RBBP6: variants seen among roughly 807,000 people sequenced by gnomAD.
The protein encoded by RBBP6 is E3 ubiquitin-protein ligase RBBP6.
RBBP6 carries 25 observed loss-of-function variants against 167.7 expected under a neutral mutation model. The observed-to-expected ratio is 0.15, with a 90% CI of 0.11 to 0.21. The LOEUF (loss-of-function observed/expected upper bound fraction) is 0.21. RBBP6 is among the 10% of genes least tolerant of loss of function. RBBP6 has a pLI of 1.00. For synonymous variants in RBBP6, 789 were observed against 735.8 expected, an observed-to-expected ratio of 1.07 and a Z score of -1.17; for missense variants, 1,868 against 2,134.2, an observed-to-expected ratio of 0.88 and a Z score of 2.46.
chr16:24,549,348 G>A, intron 3 of RBBP6: 1 of 1,060,446 alleles, frequency 9.4e-7, no homozygotes, highest in Non-Finnish European at 1.1e-6. Context: ...TTGTATGTAT[G>A]TACAGGCTGT....
intron 3 of RBBP6, among the ~76,000 whole-genome samples, chr16:24,551,018 G>A (rs926341555): frequency 5.9e-5 from 9 of 151,966 alleles, no homozygotes; most frequent in Middle Eastern, 3.4e-3. Context: ...GGTAATGGAA[G>A]CGAACTCTAA....
At chr16:24,555,792 A>G (rs532338423) in intron 5 of RBBP6, 29 bp from the exon 6 acceptor site, 3 of 1,582,886 alleles carry the variant, frequency 1.9e-6, no homozygotes, top group African/African-American at 2.7e-5. Flanking sequence ...AAGTCCTCGT[A>G]TACATGTAAT....
chr16:24,561,101 C>T (rs933120598), intron 8 of RBBP6, among the ~76,000 whole-genome samples: 5 of 152,112 alleles, frequency 3.3e-5, no homozygotes, highest in Admixed American at 3.3e-4. Context: ...CATTTCCTTG[C>T]CTGAATAAAA....
At chr16:24,560,474 C>T (rs567547941) in intron 8 of RBBP6, among the ~76,000 whole-genome samples, 1 of 152,190 alleles carries the variant, frequency 6.6e-6, no homozygotes, top group African/African-American at 2.4e-5. Context: ...TATATTAGCA[C>T]TTAGTTGTTT....
intron 14 of RBBP6, among the ~76,000 whole-genome samples, chr16:24,566,075 G>C (rs547403776): frequency 1.3e-5 from 2 of 152,158 alleles, no homozygotes; most frequent in South Asian, 2.1e-4. Context: ...CAAAAAGAAG[G>C]AAATTCGGGA....
chr16:24,568,368 TGTG>T (rs1555473500), intron 16 of RBBP6, among the ~76,000 whole-genome samples: 2 of 152,222 alleles, frequency 1.3e-5, no homozygotes, highest in Non-Finnish European at 2.9e-5. Context: ...ACACTTGAAA[TGTG>T]GTTTCTTTTA....
Position 24,569,475 on chromosome 16 carries a change from A to G in RBBP6, c.2785A>G (p.Lys929Glu), listed in dbSNP as rs138617858. ...GAGTGAAAACGCTCCAGGAGATGGT[A>G]AAGGAAATAAGCATAAGAAACACAG... ...KESENAPGDG[K>E]GNKHKKHRKR... Residue 929 changes from lysine (K) to glutamate (E), a missense_variant, in exon 17 of 18, where the codon AAA (lysine) becomes GAA (glutamate). Physicochemically the swap from Lys to Glu is moderately conservative, Grantham distance 56 (BLOSUM62 1). This residue lies in a region of RBBP6 where 673 missense variants were observed against 691.5 expected (regional missense o/e 0.97). Coordinates refer to ENST00000319715, the MANE Select transcript of RBBP6 (RefSeq NM_006910.5). 1.9e-6 allele frequency: 3 copies of G among 1,611,204 alleles called. No homozygotes were observed. The African/African-American group carries it at 4.0e-5, about 22-fold the overall frequency.
At position 24,569,469 on chromosome 16, in the gene RBBP6, G is replaced by C; in HGVS notation, c.2779G>C (p.Asp927His). The C allele has an allele frequency of 6.2e-7, 1 of 1,611,212 alleles. No individual in the cohort carries two copies. The highest frequency in any genetic ancestry group is 1.1e-5 in the South Asian group (1 of 90,458). Residue 927 changes from aspartate (D) to histidine (H), a missense_variant, in exon 17 of 18, where the codon GAT becomes CAT. Transcript: ENST00000319715. ...KEKESENAPG[D>H]GKGNKHKKHR... ...GAAGGAGAGTGAAAACGCTCCAGGAGATGGTAAAGGAAATAAGCATAAGAA... is the reference window on the plus strand; with the variant it reads ...GAAGGAGAGTGAAAACGCTCCAGGACATGGTAAAGGAAATAAGCATAAGAA...
At chr16:24,557,292 A>AT (rs1019910290) in intron 7 of RBBP6, among the ~76,000 whole-genome samples, 58 of 152,084 alleles carry the variant, frequency 3.8e-4, no homozygotes, top group African/African-American at 1.4e-3. Context: ...CTTAATGCCC[A>AT]TTTTTAATGT....
Position 24,561,654 on chromosome 16 carries a change from C to T in RBBP6, c.890C>T (p.Pro297Leu), listed in dbSNP as rs778285295. The change falls in exon 9 of 18, where the codon CCG (proline) becomes CTG (leucine). Residue 297 changes from proline (P) to leucine (L), a missense_variant. Pro to Leu is a moderately conservative substitution (Grantham distance 98). Transcript: ENST00000319715. The stretch of plus-strand genomic sequence containing the variant: ...CTGGAATCAGATGAGCACACATGTC[C>T]GACGTGTCATCAAAATGATGTTTCT... ...ALLESDEHTC[P>L]TCHQNDVSPD... 1.9e-5 allele frequency: 31 copies of T among 1,613,852 alleles called. No homozygotes were observed. Among genetic ancestry groups the T allele is most frequent in the Admixed American group, 1.8e-4 (11 of 59,980 alleles).
chr16:24,569,106 T>C lies in RBBP6; in HGVS notation c.2416T>C (p.Tyr806His). The change falls in exon 17 of 18, where the codon TAT becomes CAT. Residue 806 changes from tyrosine to histidine, a missense_variant. Tyr to His is a moderately conservative substitution (Grantham distance 83). Around this residue, in one of 7 missense-constraint regions of RBBP6, gnomAD observed 673 missense variants for 691.5 expected, o/e 0.97. Coordinates refer to ENST00000319715, the MANE Select transcript of RBBP6 (RefSeq NM_006910.5). ...TAGATACAGAGAAGTTCCACCACCA[T>C]ATGACATGAAAGCATATTATGGGAG... Reference protein sequence around the residue: ...FNRYREVPPPYDMKAYYGRSV... With the variant: ...FNRYREVPPPHDMKAYYGRSV... 1 of 1,613,758 alleles carries C rather than the reference T, an allele frequency of 6.2e-7. No individual in the cohort carries two copies. The highest frequency in any genetic ancestry group is 1.1e-5 in the South Asian group (1 of 91,018).
rs1362557174 is a variant in RBBP6, at chr16:24,571,885, A to C, written c.4819A>C (p.Ile1607Leu). The C allele has an allele frequency of 6.2e-7, 1 of 1,614,002 alleles. No homozygotes were observed. Among genetic ancestry groups the C allele is most frequent in the East Asian group, 2.2e-5 (1 of 44,882 alleles). Residue 1607 changes from isoleucine (I) to leucine (L), a missense_variant, in exon 18 of 18, where the codon ATT becomes CTT. This residue lies in a region of RBBP6 where 591 missense variants were observed against 540.5 expected (regional missense o/e 1.09). Transcript: ENST00000319715. ...QVEKEQITGQ[I>L]DKSTVKPKPQ... ...TGAAAAAGAGCAAATTACTGGGCAA[A>C]TTGACAAGAGTACTGTCAAGCCTAA...
intron 3 of RBBP6, among the ~76,000 whole-genome samples, chr16:24,550,220 T>C (rs1898762570): frequency 6.6e-6 from 1 of 151,892 alleles, no homozygotes; most frequent in Admixed American, 6.6e-5. Flanking sequence ...AACATGATAA[T>C]ATAGAATATC....
Position 24,556,406 on chromosome 16 carries a change from G to A in RBBP6, c.633G>A (p.Met211Ile). 6.2e-7 allele frequency: 1 copy of A among 1,610,136 alleles called. No homozygotes were observed. Among genetic ancestry groups the A allele is most frequent in the Non-Finnish European group, 8.5e-7 (1 of 1,176,582 alleles). ...EVKDPNMKGA[M>I]LTNTGKYAIP... The stretch of plus-strand genomic sequence containing the variant: ...AAGATCCTAATATGAAAGGTGCAAT[G>A]CTTACCAACACTGGAAAATATGCAA... The change falls in exon 7 of 18, where the codon ATG (methionine) becomes ATA (isoleucine). Residue 211 changes from methionine to isoleucine, a missense_variant. This residue lies in a region of RBBP6 where 184 missense variants were observed against 327.7 expected (regional missense o/e 0.56). Transcript: ENST00000319715.
At chr16:24,554,031 AGTCT>A (rs1191947986) in intron 4 of RBBP6, 1 of 153,148 alleles carries the variant, frequency 6.5e-6, no homozygotes, top group East Asian at 1.9e-4. Flanking sequence ...ATAGACTTGT[AGTCT>A]GTCTGCATTA....
intron 7 of RBBP6, among the ~76,000 whole-genome samples, 190 bp downstream of exon 7, chr16:24,556,637 T>C (rs1031415298): frequency 6.6e-6 from 1 of 152,182 alleles, no homozygotes; most frequent in African/African-American, 2.4e-5. Flanking sequence ...TAAAATGGAT[T>C]TGGGGATTTT....
intron 6 of RBBP6, 50 bp downstream of exon 6, chr16:24,555,967 A>T: frequency 6.9e-7 from 1 of 1,440,492 alleles, no homozygotes; most frequent in Non-Finnish European, 9.7e-7. Flanking sequence ...TTCCTTTGGA[A>T]TTGTTCCTTA....
intron 15 of RBBP6, 132 bp from the exon 16 acceptor site, chr16:24,567,660 C>A: frequency 8.0e-7 from 1 of 1,244,242 alleles, no homozygotes; most frequent in Non-Finnish European, 1.1e-6. Flanking sequence ...CTCAGGGATT[C>A]CTAGTTTATA....
At chr16:24,558,486 A>G (rs1250939907) in intron 7 of RBBP6, 1 of 985,132 alleles carries the variant, frequency 1.0e-6, no homozygotes, top group Non-Finnish European at 1.2e-6. Flanking sequence ...TATTTCTGGA[A>G]TCGTGGTGAT....
Sources: allele counts gnomAD v4.1 joint callset (sites outside exome capture counted in the v4.1 genomes callset), GRCh38; gene constraint gnomAD v4.1.1; regional missense constraint gnomAD v4.1.1; transcripts MANE v1.5; gene names NCBI Gene and HGNC (gene_info 2026-07-23, HGNC 2026-07-21).